Variants in BTBD1 observed in about 807,000 individuals in gnomAD.
BTBD1 encodes BTB/POZ domain-containing protein 1.
Under a neutral mutation model 48.0 loss-of-function variants are expected in BTBD1, and 34 were observed. The observed-to-expected ratio is 0.71, with a 90% CI of 0.54 to 0.94. BTBD1 has a LOEUF of 0.94. Among genes scored for constraint, BTBD1 ranks in the 40% least tolerant of loss-of-function variants. The pLI, the probability that BTBD1 is intolerant of heterozygous loss-of-function variation, is 0.00. For missense variants in BTBD1, 543 were observed against 625.6 expected (o/e 0.87, Z 1.41); for synonymous variants, 261 against 242.1 (o/e 1.08, Z -0.72).
chr15:83,028,526 T>G (rs141877659), intron 5 of BTBD1: 10 of 152,292 alleles, frequency 6.6e-5, no homozygotes, highest in African/African-American at 2.4e-4. Context: ...ATATAAGGGT[T>G]ATGCTTCCTT....
intron 4 of BTBD1, among the ~76,000 whole-genome samples, chr15:83,040,058 G>A (rs1270486091): frequency 1.3e-5 from 2 of 150,832 alleles, no homozygotes; most frequent in East Asian, 3.9e-4. Context: ...CCATAAAAAA[G>A]AACAAAATCA....
intron 3 of BTBD1, among the ~76,000 whole-genome samples, chr15:83,048,246 A>G (rs754507636): frequency 3.9e-5 from 6 of 152,152 alleles, no homozygotes; most frequent in Non-Finnish European, 8.8e-5. Flanking sequence ...GGAAGACTGA[A>G]AACAGTTGGA....
chr15:83,056,426 TG>T lies in BTBD1; in HGVS notation c.520del (p.His174IlefsTer27). 6.2e-7 allele frequency: 1 copy of T among 1,613,620 alleles called. No individual in the cohort carries two copies. The highest frequency in any genetic ancestry group is 8.5e-7 in the Non-Finnish European group (1 of 1,179,552). ...EAHCVEFLTK[H>X]LRADNAFMLL... ...CATAAAGGCATTATCTGCCCTAAGATGTTTGGTGAGAAATTCTACACAGTGT... is the reference window on the plus strand; with the variant it reads ...CATAAAGGCATTATCTGCCCTAAGATTTTGGTGAGAAATTCTACACAGTGT... On this transcript the variant is annotated frameshift_variant, in exon 2 of 8. Transcript: ENST00000261721. LOFTEE classifies it high-confidence loss of function.
chr15:83,057,624 T>C (rs2033109802), intron 1 of BTBD1, among the ~76,000 whole-genome samples: 1 of 152,248 alleles, frequency 6.6e-6, no homozygotes, highest in African/African-American at 2.4e-5. Flanking sequence ...CGTTCCTTTT[T>C]TCTCCACAGC....
At position 83,019,589 on chromosome 15, in the gene BTBD1, C is replaced by CTT. The variant is rs1242041752; in HGVS notation, c.1144-738_1144-737dup. Among the ~76,000 whole-genome samples the CTT allele has an allele frequency of 5.7e-3, 755 of 132,960 alleles. 13 individuals are homozygous for CTT. Among genetic ancestry groups the CTT allele is most frequent in the African/African-American group, 0.018 (640 of 36,094 alleles). The allele number at this position is 132,960 out of a possible 152,430, so 87.2% of individuals were successfully genotyped here. A position where few individuals can be genotyped will look rare whatever the true frequency, so the allele number is the denominator to read the frequency against. On this transcript the variant is annotated intron_variant, in intron 6 of 7. Coordinates refer to ENST00000261721, the MANE Select transcript of BTBD1 (RefSeq NM_025238.4). ...AGTTTGTACACAAGAAGCCTGGTGT[C>CTT]TTTTTTTTTTTTTTTTTGAGACGGA...
intron 2 of BTBD1, 111 bp downstream of exon 2, chr15:83,056,278 T>C: frequency 1.5e-6 from 1 of 683,822 alleles, no homozygotes; most frequent in South Asian, 2.6e-5. Context: ...AAAATCATTT[T>C]ATATACTTTA....
At chr15:83,021,679 G>A (rs1170400895) in intron 5 of BTBD1, among the ~76,000 whole-genome samples, 2 of 151,780 alleles carry the variant, frequency 1.3e-5, no homozygotes. Context: ...GTTTGAACCT[G>A]GGAGAAGGAA....
chr15:83,054,807 G>A (rs67482297), intron 2 of BTBD1, among the ~76,000 whole-genome samples: 17,515 of 151,944 alleles, frequency 0.12, 1,073 homozygotes, highest in Middle Eastern at 0.22. Flanking sequence ...TGATCTGCCC[G>A]CCTCGGCCTC....
intron 4 of BTBD1, among the ~76,000 whole-genome samples, chr15:83,033,220 T>C (rs527592260): frequency 6.6e-6 from 1 of 151,508 alleles, no homozygotes; most frequent in Non-Finnish European, 1.5e-5. Context: ...TCTCTTTTTT[T>C]AAAAAAAATG....
At position 83,066,813 on chromosome 15, in the gene BTBD1, G is replaced by A; in HGVS notation, c.339C>T (p.Ala113=). Residue 113 remains alanine (A), a synonymous_variant, in exon 1 of 8, where the codon GCC becomes GCT. Transcript: ENST00000261721. ...VFDAMFNGGM[A]TTSAEIELPD... is the part of the protein sequence containing the mutation. The stretch of plus-strand genomic sequence containing the variant: ...GCAGCTCGATCTCGGCCGACGTGGT[G>A]GCCATGCCGCCGTTGAACATGGCGT... 2 of 1,449,086 alleles carry A rather than the reference G, an allele frequency of 1.4e-6. No homozygotes were observed. The highest frequency in any genetic ancestry group is 1.5e-5 in the African/African-American group (1 of 67,274). The allele number at this position is 1,449,086 out of a possible 1,614,324, so 89.8% of individuals were successfully genotyped here.
intron 3 of BTBD1, among the ~76,000 whole-genome samples, chr15:83,049,287 G>C (rs1299071498): frequency 6.6e-6 from 1 of 152,166 alleles, no homozygotes; most frequent in Admixed American, 6.5e-5. Context: ...TGGGATGTGA[G>C]AGGAAACTAG....
intron 4 of BTBD1, chr15:83,030,742 CAACAAA>C (rs894839867): frequency 6.5e-6 from 1 of 153,732 alleles, no homozygotes; most frequent in Admixed American, 6.5e-5. Flanking sequence ...AAAGCAAATG[CAACAAA>C]AACAAAAACA....
intron 4 of BTBD1, among the ~76,000 whole-genome samples, chr15:83,033,980 C>T (rs1318483717): frequency 1.3e-5 from 2 of 150,478 alleles, no homozygotes; most frequent in South Asian, 2.1e-4. Flanking sequence ...ATCTTTAATA[C>T]GGGAGGCTGA....
rs201365112 is a variant in BTBD1, at chr15:83,056,259, T to C, written c.558+130A>G. Reference sequence around the variant, plus strand: ...ACATATCTGACATGTTTCCCTGATTTGTATTATAAAAATCATTTTATATAC... The same window carrying C: ...ACATATCTGACATGTTTCCCTGATTCGTATTATAAAAATCATTTTATATAC... On this transcript the variant is annotated intron_variant, in intron 2 of 7. Transcript: ENST00000261721. 62 of 606,288 alleles carry C rather than the reference T, an allele frequency of 1.0e-4. 1 individual carries two copies. In the East Asian group the frequency reaches 1.4e-3, roughly 14 times the overall value. 37.6% of individuals were successfully genotyped at this position (606,288 alleles called of 1,614,324 possible). A position where few individuals can be genotyped will look rare whatever the true frequency, so the allele number is the denominator to read the frequency against.
chr15:83,051,904 A>ACACACACACACACACAC (rs61375537), intron 2 of BTBD1, among the ~76,000 whole-genome samples: 1 of 149,876 alleles, frequency 6.7e-6, no homozygotes, highest in Non-Finnish European at 1.5e-5. Flanking sequence ...ACACACACAC[A>ACACACACACACACACAC]TCTATCTGGG....
intron 5 of BTBD1, chr15:83,022,635 C>T (rs1410973533): frequency 1.3e-5 from 2 of 151,216 alleles, no homozygotes; most frequent in Non-Finnish European, 2.9e-5. Context: ...TGGTGCCAGC[C>T]TGGGCAACAG....
intron 5 of BTBD1, among the ~76,000 whole-genome samples, chr15:83,026,940 A>G (rs1252489331): frequency 6.6e-6 from 1 of 152,160 alleles, no homozygotes; most frequent in Non-Finnish European, 1.5e-5. Flanking sequence ...GAATTAGCAA[A>G]TACTAAACCA....
chr15:83,064,001 C>T (rs186565194), intron 1 of BTBD1, among the ~76,000 whole-genome samples: 5 of 152,276 alleles, frequency 3.3e-5, no homozygotes, highest in African/African-American at 9.6e-5. Context: ...AACAGCCATT[C>T]GCTGTTTCAC....
At chr15:83,032,986 A>AAAAAAAAAAAAAAC (rs1555439417) in intron 4 of BTBD1, among the ~76,000 whole-genome samples, 1 of 151,370 alleles carries the variant, frequency 6.6e-6, no homozygotes, top group African/African-American at 2.4e-5. Flanking sequence ...AAAAAAAAAA[A>AAAAAAAAAAAAAAC]AACAGAATAG....
Sources: allele counts gnomAD v4.1 joint callset (sites outside exome capture counted in the v4.1 genomes callset), GRCh38; gene constraint gnomAD v4.1.1; transcripts MANE v1.5; gene names NCBI Gene and HGNC (gene_info 2026-07-23, HGNC 2026-07-21).